The following LACTB variants were observed in gnomAD, a reference collection of about 807,000 sequenced individuals.
The protein encoded by LACTB is serine beta-lactamase-like protein LACTB, mitochondrial.
A neutral mutation model predicts 50.2 loss-of-function variants in LACTB; 35 were observed. That is an observed-to-expected ratio of 0.70 (90% CI 0.53 to 0.92). The LOEUF (loss-of-function observed/expected upper bound fraction) is 0.92. Ranked by LOEUF, LACTB falls within the 40% of genes least tolerant of loss-of-function variation. LACTB has a pLI of 0.00. For synonymous variants in LACTB, 252 were observed against 268.2 expected, an observed-to-expected ratio of 0.94 and a Z score of 0.59; for missense variants, 664 against 691.8, an observed-to-expected ratio of 0.96 and a Z score of 0.45.
intron 2 of LACTB, 37 bp from the exon 3 acceptor site, chr15:63,126,822 C>G (rs766003868): frequency 1.6e-5 from 21 of 1,316,578 alleles, no homozygotes; most frequent in Non-Finnish European, 1.9e-5. Context: ...GACCATGAAG[C>G]CTGTTAATAG....
At position 63,122,040 on chromosome 15, in the gene LACTB, G is replaced by T; in HGVS notation, c.169G>T (p.Ala57Ser). Residue 57 changes from alanine (A) to serine (S), a missense_variant, in exon 1 of 6, where the codon GCA (alanine) becomes TCA (serine). By Grantham distance (99) the Ala-to-Ser change is moderately conservative. Transcript: ENST00000261893. ...GLGLALGVKL[A>S]GGLRGAAPAQ... ...GGGGCTGGCGCTCGGGGTGAAGCTG[G>T]CAGGTGGGCTGAGGGGCGCGGCCCC... The T allele has an allele frequency of 7.0e-7, 1 of 1,419,682 alleles. No individual in the cohort carries two copies. Among genetic ancestry groups the T allele is most frequent in the African/African-American group, 1.5e-5 (1 of 66,862 alleles). The allele number at this position is 1,419,682 out of a possible 1,614,324, so 87.9% of individuals were successfully genotyped here.
In LACTB at chr15:63,129,407, C is replaced by T. The variant is rs148719997; in HGVS notation, c.953-78C>T. On this transcript the variant is annotated intron_variant, in intron 4 of 5. Coordinates refer to ENST00000261893, the MANE Select transcript of LACTB (RefSeq NM_032857.5). ...CCAGTTTTAAAAGTATGCCAATTTT[C>T]AGTGGGAATATATTTTATATGTTTT... 434 of 1,262,592 alleles carry T rather than the reference C, an allele frequency of 3.4e-4. No individual in the cohort carries two copies. In the African/African-American group the frequency reaches 6.1e-3, roughly 18 times the overall value. 78.2% of individuals were successfully genotyped at this position (1,262,592 alleles called of 1,614,324 possible).
chr15:63,122,584 T>A, intron 1 of LACTB, 52 bp from the exon 2 acceptor site: 1 of 1,421,688 alleles, frequency 7.0e-7, no homozygotes, highest in Middle Eastern at 1.8e-4. Flanking sequence ...AGGAGAGCGC[T>A]GGGCTTTTTC....
chr15:63,127,235 G>A lies in LACTB; in HGVS notation c.616-118G>A. The A allele has an allele frequency of 3.0e-6, 3 of 987,402 alleles. No individual in the cohort carries two copies. In the South Asian group the frequency reaches 5.2e-5, roughly 17 times the overall value. The allele number at this position is 987,402 out of a possible 1,614,324, so 61.2% of individuals were successfully genotyped here. A position where few individuals can be genotyped will look rare whatever the true frequency, so the allele number is the denominator to read the frequency against. On this transcript the variant is annotated intron_variant, in intron 3 of 5. Coordinates refer to ENST00000261893, the MANE Select transcript of LACTB (RefSeq NM_032857.5). Reference sequence around the variant, plus strand: ...AATTTGAGGCTAAGGATTTGTACATGACATTTTCCCAGCAGCAGTTCTAAG... The same window carrying A: ...AATTTGAGGCTAAGGATTTGTACATAACATTTTCCCAGCAGCAGTTCTAAG...
chr15:63,131,029 ACG>A (rs2037125384), intron 5 of LACTB: 1 of 152,300 alleles, frequency 6.6e-6, no homozygotes. Flanking sequence ...GCGGTGGCTC[ACG>A]CCTGTAATCC....
chr15:63,135,915 A>G (rs2037171557), intron 5 of LACTB, among the ~76,000 whole-genome samples: 1 of 152,220 alleles, frequency 6.6e-6, no homozygotes, highest in African/African-American at 2.4e-5. Context: ...GCTAGAAATT[A>G]AGTCTCTGTG....
In LACTB at chr15:63,127,687, C is replaced by T. The variant is rs889186456; in HGVS notation, c.950C>T (p.Pro317Leu). 12 of 1,566,932 alleles carry T rather than the reference C, an allele frequency of 7.7e-6. No individual in the cohort carries two copies. Among genetic ancestry groups the T allele is most frequent in the Non-Finnish European group, 1.0e-5 (12 of 1,146,186 alleles). ...LFKNDPLFFK[P>L]GSQFLYSTFG... Reference sequence around the variant, plus strand: ...AAAAATGATCCTTTGTTCTTCAAACCTGGTGAGTGTTAATCCCTTCTCTTA... The same window carrying T: ...AAAAATGATCCTTTGTTCTTCAAACTTGGTGAGTGTTAATCCCTTCTCTTA... Residue 317 changes from proline (P) to leucine (L), a missense_variant and splice_region_variant, in exon 4 of 6, where the codon CCT (proline) becomes CTT (leucine). Physicochemically the swap from Pro to Leu is moderately conservative, Grantham distance 98. Coordinates refer to ENST00000261893, the MANE Select transcript of LACTB (RefSeq NM_032857.5).
chr15:63,134,032 G>A (rs1332628466), intron 5 of LACTB, among the ~76,000 whole-genome samples: 1 of 152,144 alleles, frequency 6.6e-6, no homozygotes, highest in Non-Finnish European at 1.5e-5. Context: ...TTTATAAAAT[G>A]GCCAGTTGAG....
chr15:63,141,217 TATC>T (rs1376037311), intron 5 of LACTB, 60 bp from the exon 6 acceptor site: 2 of 1,509,920 alleles, frequency 1.3e-6, no homozygotes, highest in Non-Finnish European at 8.8e-7. Flanking sequence ...TACATTTTTC[TATC>T]ATCATGTGTG....
chr15:63,128,334 C>T (rs943529709), intron 4 of LACTB, among the ~76,000 whole-genome samples: 5 of 152,216 alleles, frequency 3.3e-5, no homozygotes, highest in South Asian at 2.1e-4. Flanking sequence ...AGTTGGCTCA[C>T]GCCTATAATC....
chr15:63,134,418 C>G (rs924760266), intron 5 of LACTB, among the ~76,000 whole-genome samples: 2 of 152,120 alleles, frequency 1.3e-5, no homozygotes, highest in East Asian at 3.9e-4. Flanking sequence ...CCCCACAAGC[C>G]TTTAAGAGGC....
In LACTB at chr15:63,127,339, G is replaced by A. The variant is rs2037065931; in HGVS notation, c.616-14G>A. 1 of 1,515,896 alleles carries A rather than the reference G, an allele frequency of 6.6e-7. No individual in the cohort carries two copies. Among genetic ancestry groups the A allele is most frequent in the Non-Finnish European group, 8.9e-7 (1 of 1,125,776 alleles). 93.9% of individuals were successfully genotyped at this position (1,515,896 alleles called of 1,614,324 possible). A position where few individuals can be genotyped will look rare whatever the true frequency, so the allele number is the denominator to read the frequency against. On this transcript the variant is annotated splice_polypyrimidine_tract_variant and intron_variant, in intron 3 of 5. Transcript: ENST00000261893. ...GTTAATATTGTAATTGAATTTTCAT[G>A]TTTTTACAATTAGGTTTCTGTCACA...
rs112416186 is a variant in LACTB at position 63,141,928 on chromosome 15, T to C, written c.*123T>C. On this transcript the variant is annotated 3_prime_UTR_variant, in exon 6 of 6. Coordinates refer to ENST00000261893, the MANE Select transcript of LACTB (RefSeq NM_032857.5). ...GAGTATAACTGAATGCAGAGAATTA[T>C]GTACCTCTAATTGCTTAATTTTGTA... The C allele has an allele frequency of 1.3e-6, 1 of 758,858 alleles. No homozygotes were observed. The highest frequency in any genetic ancestry group is 1.8e-5 in the African/African-American group (1 of 57,118). The allele number at this position is 758,858 out of a possible 1,614,324, so 47.0% of individuals were successfully genotyped here. A position where few individuals can be genotyped will look rare whatever the true frequency, so the allele number is the denominator to read the frequency against.
In LACTB at chr15:63,126,854, C is replaced by T; in HGVS notation, c.425-5C>T. The T allele has an allele frequency of 1.3e-6, 2 of 1,490,542 alleles. No homozygotes were observed. The highest frequency in any genetic ancestry group is 2.2e-5 in the Admixed American group (1 of 45,482). 92.3% of individuals were successfully genotyped at this position (1,490,542 alleles called of 1,614,324 possible). A position where few individuals can be genotyped will look rare whatever the true frequency, so the allele number is the denominator to read the frequency against. On this transcript the variant is annotated splice_region_variant and splice_polypyrimidine_tract_variant and intron_variant, in intron 2 of 5. Coordinates refer to ENST00000261893, the MANE Select transcript of LACTB (RefSeq NM_032857.5). ...ATAGTGACTTTTTGCTTTTTTCCCC[C>T]AAAGGTTTAGGTTATGCTGATGTTG... is the stretch of plus-strand genomic sequence containing the variant.
At position 63,138,615 on chromosome 15, in the gene LACTB, T is replaced by C. The variant is rs1258831160; in HGVS notation, c.1119-2665T>C. On this transcript the variant is annotated intron_variant, in intron 5 of 5. Transcript: ENST00000261893. Reference sequence around the variant, plus strand: ...GAAAAGGAACTAAGAGATTAAAATCTAGAATTTGCTTATTAAAGCTAGAAT... The same window carrying C: ...GAAAAGGAACTAAGAGATTAAAATCCAGAATTTGCTTATTAAAGCTAGAAT... Among the ~76,000 whole-genome samples, 5 of 152,238 alleles carry C rather than the reference T, an allele frequency of 3.3e-5. No individual in the cohort carries two copies. In the South Asian group the frequency reaches 1.0e-3, roughly 31 times the overall value.
chr15:63,135,472 A>G (rs1160148604), intron 5 of LACTB, among the ~76,000 whole-genome samples: 1 of 152,212 alleles, frequency 6.6e-6, no homozygotes, highest in Non-Finnish European at 1.5e-5. Flanking sequence ...AAAATGATAA[A>G]TACCATTGGG....
chr15:63,141,091 A>G (rs978524646), intron 5 of LACTB, 189 bp from the exon 6 acceptor site: 18 of 983,332 alleles, frequency 1.8e-5, no homozygotes, highest in African/African-American at 1.4e-4. Context: ...TAATTAGACT[A>G]TCTTACTTAG....
At chr15:63,126,059 G>C (rs1239419091) in intron 2 of LACTB, 3 of 151,938 alleles carry the variant, frequency 2.0e-5, no homozygotes, top group Admixed American at 1.3e-4. Flanking sequence ...ATTTTTTCTA[G>C]AAAAAGCTTT....
intron 5 of LACTB, among the ~76,000 whole-genome samples, chr15:63,132,055 T>G (rs2037138059): frequency 1.3e-5 from 2 of 152,202 alleles, no homozygotes; most frequent in Non-Finnish European, 2.9e-5. Flanking sequence ...AATTTCTTTT[T>G]GTAATTATTA....
Sources: allele counts gnomAD v4.1 joint callset (sites outside exome capture counted in the v4.1 genomes callset), GRCh38; gene constraint gnomAD v4.1.1; transcripts MANE v1.5; gene names NCBI Gene and HGNC (gene_info 2026-07-23, HGNC 2026-07-21).